Variants in TTLL2 observed in about 807,000 individuals in gnomAD.
TTLL2 encodes the protein tubulin tyrosine ligase like 2, also known as probable tubulin polyglutamylase TTLL2.
A neutral mutation model predicts 7.5 loss-of-function variants in TTLL2; 10 were observed. The ratio of observed to expected loss-of-function variants is 1.33; its 90% confidence interval spans 0.82 to 2.25. The LOEUF (loss-of-function observed/expected upper bound fraction) is 2.25. Among genes scored for constraint, TTLL2 ranks in the 30% most tolerant of loss-of-function variants. The pLI, the probability that TTLL2 is intolerant of heterozygous loss-of-function variation, is 0.00. For synonymous variants in TTLL2, 284 were observed against 280.3 expected (o/e 1.01, Z -0.13); for missense variants, 733 against 735.7 (o/e 1.00, Z 0.04).
intron 1 of TTLL2, among the ~76,000 whole-genome samples, chr6:167,336,390 A>C (rs1418287850): frequency 6.6e-6 from 1 of 152,128 alleles, no homozygotes; most frequent in Non-Finnish European, 1.5e-5. Context: ...TTCTATATTT[A>C]TTTAGCATAT....
In TTLL2 at chr6:167,340,274, G is replaced by A; in HGVS notation, c.374G>A (p.Trp125Ter). ...EQNAEDWNLY[W>*]RTSSFRMTEH... ...AACGCGGAGGACTGGAACCTGTACT[G>A]GAGGACATCCTCTTTCCGAATGACC... Residue 125 changes from tryptophan to a stop codon, truncating the protein, a stop_gained, in exon 3 of 3, where the codon TGG becomes TAG. Coordinates refer to ENST00000239587, the MANE Select transcript of TTLL2 (RefSeq NM_031949.5). LOFTEE classifies it low-confidence loss of function (END_TRUNC). 1 of 1,614,042 alleles carries A rather than the reference G, an allele frequency of 6.2e-7. No homozygotes were observed. The highest frequency in any genetic ancestry group is 1.1e-5 in the South Asian group (1 of 91,066).
chr6:167,337,771 ACACACACACACAC>A (rs373636034), intron 1 of TTLL2, among the ~76,000 whole-genome samples: 5,383 of 151,668 alleles, frequency 0.035, 347 homozygotes, highest in African/African-American at 0.12. Context: ...ACACACATGC[ACACACACACACAC>A]CACACACAAC....
chr6:167,332,253 T>C (rs569280885), intron 1 of TTLL2, among the ~76,000 whole-genome samples: 2 of 152,270 alleles, frequency 1.3e-5, no homozygotes, highest in African/African-American at 2.4e-5. Flanking sequence ...TTTGCCTTTT[T>C]TGAACACAGT....
Position 167,341,801 on chromosome 6 carries a change from G to T in TTLL2, c.*122G>T. 2.8e-6 allele frequency: 3 copies of T among 1,082,376 alleles called. No individual in the cohort carries two copies. Among genetic ancestry groups the T allele is most frequent in the Admixed American group, 2.9e-5 (1 of 34,600 alleles). 67.0% of individuals were successfully genotyped at this position (1,082,376 alleles called of 1,614,324 possible). ...ACCAGCATGTTAACTATGACATTGGGACTGAAGATGTGGCCATATGTATAA... is the reference window on the plus strand; with the variant it reads ...ACCAGCATGTTAACTATGACATTGGTACTGAAGATGTGGCCATATGTATAA... On this transcript the variant is annotated 3_prime_UTR_variant, in exon 3 of 3. Coordinates refer to ENST00000239587, the MANE Select transcript of TTLL2 (RefSeq NM_031949.5).
In TTLL2 at chr6:167,340,144, G is replaced by A; in HGVS notation, c.244G>A (p.Ala82Thr). The change falls in exon 3 of 3, where the codon GCC becomes ACC. Residue 82 changes from alanine to threonine, a missense_variant. Ala to Thr is a moderately conservative substitution (Grantham distance 58). Transcript: ENST00000239587. ...HLMAEDEPSG[A>T]LLKPLVFRVD... Reference sequence around the variant, plus strand: ...GATGGCGGAAGATGAACCTTCAGGGGCCCTCTTGAAGCCGCTGGTTTTTCG... The same window carrying A: ...GATGGCGGAAGATGAACCTTCAGGGACCCTCTTGAAGCCGCTGGTTTTTCG... The A allele has an allele frequency of 6.2e-7, 1 of 1,600,512 alleles. No homozygotes were observed. The highest frequency in any genetic ancestry group is 8.5e-7 in the Non-Finnish European group (1 of 1,174,196).
chr6:167,341,884 C>A lies in TTLL2; in HGVS notation c.*205C>A. 1.7e-6 allele frequency: 1 copy of A among 573,920 alleles called. No homozygotes were observed. Among genetic ancestry groups the A allele is most frequent in the Non-Finnish European group, 3.0e-6 (1 of 338,474 alleles). 35.6% of individuals were successfully genotyped at this position (573,920 alleles called of 1,614,324 possible). ...AAGTGGTGATTAAACTACATTACAT[C>A]CCATGTTTATTTGCTCAGGTGTCTT... On this transcript the variant is annotated 3_prime_UTR_variant, in exon 3 of 3. Coordinates refer to ENST00000239587, the MANE Select transcript of TTLL2 (RefSeq NM_031949.5).
At chr6:167,331,564 T>A (rs948595348) in intron 1 of TTLL2, among the ~76,000 whole-genome samples, 1 of 152,228 alleles carries the variant, frequency 6.6e-6, no homozygotes, top group Non-Finnish European at 1.5e-5. Flanking sequence ...TCCAGTTCCA[T>A]CCATGATGGC....
chr6:167,338,943 C>T, intron 2 of TTLL2, 140 bp downstream of exon 2: 5 of 866,298 alleles, frequency 5.8e-6, no homozygotes, highest in Non-Finnish European at 6.7e-6. Flanking sequence ...TCCTTCCCTT[C>T]CTCCTTCCTG....
At chr6:167,325,585 A>G (rs1778838323) in intron 1 of TTLL2, among the ~76,000 whole-genome samples, 1 of 152,146 alleles carries the variant, frequency 6.6e-6, no homozygotes. Context: ...ATTCAACTGA[A>G]TTCAACCAAA....
At chr6:167,335,542 T>C (rs996385018) in intron 1 of TTLL2, among the ~76,000 whole-genome samples, 2 of 145,730 alleles carry the variant, frequency 1.4e-5, no homozygotes, top group Admixed American at 1.4e-4. Flanking sequence ...TGCGGCATTA[T>C]TCACAATAGC....
intron 1 of TTLL2, among the ~76,000 whole-genome samples, chr6:167,331,316 C>T (rs1778917855): frequency 6.6e-6 from 1 of 152,102 alleles, no homozygotes; most frequent in Non-Finnish European, 1.5e-5. Flanking sequence ...GCTGTTAAGC[C>T]TGGTCACTCT....
chr6:167,325,316 C>A, intron 1 of TTLL2, 96 bp downstream of exon 1: 1 of 1,278,842 alleles, frequency 7.8e-7, no homozygotes, highest in Non-Finnish European at 1.1e-6. Context: ...GGGCCAGGGT[C>A]ACTAGGAGCA....
intron 1 of TTLL2, among the ~76,000 whole-genome samples, chr6:167,327,723 G>C (rs1384151120): frequency 6.6e-6 from 1 of 152,160 alleles, no homozygotes; most frequent in Non-Finnish European, 1.5e-5. Context: ...AAACATACAG[G>C]TTATGTATGG....
At chr6:167,325,252 G>C in intron 1 of TTLL2, 32 bp downstream of exon 1, 3 of 1,511,504 alleles carry the variant, frequency 2.0e-6, no homozygotes, top group Non-Finnish European at 2.7e-6. Flanking sequence ...TAGGATGGGA[G>C]GGTGGCCCCG....
At chr6:167,336,834 T>TA (rs1426327783) in intron 1 of TTLL2, among the ~76,000 whole-genome samples, 1 of 152,224 alleles carries the variant, frequency 6.6e-6, no homozygotes, top group Non-Finnish European at 1.5e-5. Flanking sequence ...CAGTCAGCTT[T>TA]AAAAACAGCA....
chr6:167,336,160 T>A (rs2115219289), intron 1 of TTLL2, among the ~76,000 whole-genome samples: 1 of 152,010 alleles, frequency 6.6e-6, no homozygotes, highest in South Asian at 2.1e-4. Flanking sequence ...CCTACAGATG[T>A]CCAGTGTGGG....
At chr6:167,330,545 G>A (rs928457981) in intron 1 of TTLL2, among the ~76,000 whole-genome samples, 3 of 150,634 alleles carry the variant, frequency 2.0e-5, no homozygotes, top group African/African-American at 7.3e-5. Context: ...GGGGACAAAA[G>A]CGAAAATCCA....
chr6:167,332,435 A>G (rs994849848), intron 1 of TTLL2, among the ~76,000 whole-genome samples: 5 of 151,916 alleles, frequency 3.3e-5, no homozygotes, highest in Admixed American at 2.0e-4. Flanking sequence ...GCGAAATTCA[A>G]TTTAATATGA....
At position 167,340,943 on chromosome 6, in the gene TTLL2, T is replaced by C. The variant is rs1305330678; in HGVS notation, c.1043T>C (p.Met348Thr). The C allele has an allele frequency of 2.5e-6, 4 of 1,614,168 alleles. No homozygotes were observed. In the Admixed American group the frequency reaches 5.0e-5, roughly 20 times the overall value. The change falls in exon 3 of 3, where the codon ATG becomes ACG. Residue 348 changes from methionine to threonine, a missense_variant. By Grantham distance (81) the Met-to-Thr change is moderately conservative (BLOSUM62 -1). Transcript: ENST00000239587. ...DLLLWKKIHR[M>T]VILTILAIAP... ...CTTTTGTGGAAGAAAATCCACCGCA[T>C]GGTTATTCTCACCATTCTCGCCATT... is the stretch of plus-strand genomic sequence containing the variant.
Sources: allele counts gnomAD v4.1 joint callset (sites outside exome capture counted in the v4.1 genomes callset), GRCh38; gene constraint gnomAD v4.1.1; transcripts MANE v1.5; gene names NCBI Gene and HGNC (gene_info 2026-07-23, HGNC 2026-07-21).